The following PACRG variants were observed in gnomAD, a reference collection of about 807,000 sequenced individuals.
PACRG encodes parkin coregulated gene protein.
PACRG carries 29 observed loss-of-function variants against 29.7 expected under a neutral mutation model. The observed-to-expected ratio is 0.98, with a 90% CI of 0.73 to 1.33. PACRG has a LOEUF of 1.33. Among genes scored for constraint, PACRG ranks in the 40% most tolerant of loss-of-function variants. The pLI is 0.00. For synonymous variants in PACRG, 116 were observed against 118.7 expected (o/e 0.98, Z 0.15); for missense variants, 279 against 316.2 (o/e 0.88, Z 0.89).
chr6:162,966,872 A>C (rs1305994669), intron 2 of PACRG, among the ~76,000 whole-genome samples: 1 of 152,204 alleles, frequency 6.6e-6, no homozygotes, highest in African/African-American at 2.4e-5. Flanking sequence ...CTAAATGACA[A>C]ATGGTACTTT....
At chr6:162,989,471 T>G (rs1206003194) in intron 2 of PACRG, among the ~76,000 whole-genome samples, 2 of 152,170 alleles carry the variant, frequency 1.3e-5, no homozygotes, top group East Asian at 3.9e-4. Context: ...ACATAGTATT[T>G]GCATATAACC....
chr6:163,178,320 C>T (rs1328595564), intron 4 of PACRG, among the ~76,000 whole-genome samples: 4 of 152,188 alleles, frequency 2.6e-5, no homozygotes, highest in Non-Finnish European at 2.9e-5. Context: ...GTGGCACGGA[C>T]GTGCTGATCT....
At chr6:162,928,358 A>G (rs1797604117) in intron 2 of PACRG, among the ~76,000 whole-genome samples, 1 of 151,726 alleles carries the variant, frequency 6.6e-6, no homozygotes, top group Non-Finnish European at 1.5e-5. Flanking sequence ...CTCAGTTGTT[A>G]TGTCTCCTTT....
At chr6:163,046,173 T>C (rs539266376) in intron 2 of PACRG, among the ~76,000 whole-genome samples, 29 of 151,128 alleles carry the variant, frequency 1.9e-4, no homozygotes, top group Admixed American at 1.7e-3. Context: ...CTCCCCTCTG[T>C]GCCATCACTC....
intron 2 of PACRG, among the ~76,000 whole-genome samples, chr6:163,061,316 A>G (rs921612904): frequency 1.3e-5 from 2 of 152,176 alleles, no homozygotes; most frequent in Non-Finnish European, 2.9e-5. Flanking sequence ...TGGAGGGCTC[A>G]AGCAAGACCA....
chr6:163,224,712 G>A, intron 4 of PACRG, among the ~76,000 whole-genome samples: 1 of 152,134 alleles, frequency 6.6e-6, no homozygotes, highest in East Asian at 1.9e-4. Flanking sequence ...AAATATAAGA[G>A]TTGGAACTGT....
At chr6:162,738,915 A>C in intron 1 of PACRG, among the ~76,000 whole-genome samples, 1 of 152,300 alleles carries the variant, frequency 6.6e-6, no homozygotes, top group Admixed American at 6.5e-5. Context: ...TGAATAAACC[A>C]GCTTTTTAGT....
At chr6:162,870,238 AATG>A (rs1174851716) in intron 2 of PACRG, among the ~76,000 whole-genome samples, 3 of 152,220 alleles carry the variant, frequency 2.0e-5, no homozygotes, top group Non-Finnish European at 4.4e-5. Flanking sequence ...CACACTGCTT[AATG>A]ATTACCAAGC....
chr6:162,980,906 T>C (rs1317542074), intron 2 of PACRG, among the ~76,000 whole-genome samples: 3 of 152,098 alleles, frequency 2.0e-5, no homozygotes, highest in African/African-American at 7.2e-5. Flanking sequence ...TTTATTTCAA[T>C]AATTTTTGGG....
chr6:163,226,671 G>A (rs571786265), intron 4 of PACRG, among the ~76,000 whole-genome samples: 133 of 152,292 alleles, frequency 8.7e-4, no homozygotes, highest in African/African-American at 3.1e-3. Flanking sequence ...CTTGAGTGAA[G>A]CAGCTCCTGT....
chr6:163,235,395 A>G (rs951188706), intron 4 of PACRG, among the ~76,000 whole-genome samples: 1 of 152,210 alleles, frequency 6.6e-6, no homozygotes, highest in African/African-American at 2.4e-5. Context: ...ACTGCCTTCC[A>G]TGAAGCTTGC....
intron 2 of PACRG, among the ~76,000 whole-genome samples, chr6:162,845,480 A>C (rs921105599): frequency 3.9e-5 from 6 of 152,170 alleles, no homozygotes; most frequent in African/African-American, 9.6e-5. Flanking sequence ...GGACAGATAA[A>C]ATATTTGCTA....
chr6:162,916,322 A>G (rs1488082462), intron 2 of PACRG, among the ~76,000 whole-genome samples: 2 of 151,992 alleles, frequency 1.3e-5, no homozygotes, highest in East Asian at 3.9e-4. Flanking sequence ...TTTCTTCTTT[A>G]TTATTGGCTT....
Position 163,078,573 on chromosome 6 carries a change from A to C in PACRG, c.464-10686A>C, listed in dbSNP as rs545137916. 7.2e-5 allele frequency among the ~76,000 whole-genome samples: 11 copies of C among 152,262 alleles called. No individual in the cohort carries two copies. In the East Asian group the frequency reaches 7.7e-4, roughly 11 times the overall value. On this transcript the variant is annotated intron_variant, in intron 3 of 4. Coordinates refer to ENST00000366888, the MANE Select transcript of PACRG (RefSeq NM_001080379.2). ...GCTATTTCAGTGATTAAATGAGCTA[A>C]TATGTAAGGTTATAAGTGTTATCAT...
At chr6:163,111,312 G>T (rs1341205325) in intron 4 of PACRG, among the ~76,000 whole-genome samples, 1 of 152,148 alleles carries the variant, frequency 6.6e-6, no homozygotes, top group African/African-American at 2.4e-5. Flanking sequence ...CAAAATCAAT[G>T]AGATTTCCAT....
At chr6:162,865,219 T>C (rs993165869) in intron 2 of PACRG, among the ~76,000 whole-genome samples, 1 of 152,216 alleles carries the variant, frequency 6.6e-6, no homozygotes, top group Non-Finnish European at 1.5e-5. Context: ...TGCTCTGGTC[T>C]GAATGCTATT....
intron 3 of PACRG, among the ~76,000 whole-genome samples, chr6:163,070,089 G>A (rs1811902638): frequency 6.6e-6 from 1 of 152,070 alleles, no homozygotes; most frequent in Non-Finnish European, 1.5e-5. Flanking sequence ...TGAGGGAGAA[G>A]TGAAGACTTT....
chr6:163,309,771 C>T (rs940228646), intron 4 of PACRG, among the ~76,000 whole-genome samples: 2 of 152,200 alleles, frequency 1.3e-5, no homozygotes, highest in African/African-American at 4.8e-5. Context: ...TCCCGTGGAC[C>T]TGACAACTCT....
intron 4 of PACRG, among the ~76,000 whole-genome samples, chr6:163,144,595 C>G (rs779396470): frequency 1.3e-4 from 20 of 152,164 alleles, no homozygotes; most frequent in Non-Finnish European, 2.2e-4. Flanking sequence ...ATGGTGAAAC[C>G]CCATCTCTAC....
Sources: gnomAD v4.1 joint callset for allele counts (sites outside exome capture counted in the v4.1 genomes callset) on GRCh38, gnomAD v4.1.1 for gene constraint, MANE v1.5 for transcripts, NCBI Gene and HGNC (gene_info 2026-07-23, HGNC 2026-07-21) for gene names.